The following OPCML variants were observed in gnomAD, a reference collection of about 807,000 sequenced individuals.
OPCML encodes opioid binding protein/cell adhesion molecule like.
Under a neutral mutation model 37.8 loss-of-function variants are expected in OPCML, and 13 were observed. The observed-to-expected ratio is 0.34, with a 90% CI of 0.22 to 0.55. The LOEUF is 0.55. OPCML is among the 20% of genes least tolerant of loss of function. The pLI is 0.91. For synonymous variants in OPCML, 176 were observed against 168.8 expected (o/e 1.04, Z -0.33); for missense variants, 341 against 435.6 (o/e 0.78, Z 1.93).
At chr11:133,313,563 T>A (rs1336437194) in intron 1 of OPCML, among the ~76,000 whole-genome samples, 1 of 152,202 alleles carries the variant, frequency 6.6e-6, no homozygotes, top group African/African-American at 2.4e-5. Context: ...CTTAAGAGCA[T>A]CCTGGAACAT....
At chr11:133,383,318 C>T (rs74502663) in intron 1 of OPCML, among the ~76,000 whole-genome samples, 2,611 of 152,218 alleles carry the variant, frequency 0.017, 66 homozygotes, top group African/African-American at 0.06. Context: ...CTGGAACTGC[C>T]GTATGGTGCT....
intron 1 of OPCML, among the ~76,000 whole-genome samples, chr11:133,241,146 A>G (rs76038030): frequency 0.018 from 2,698 of 152,234 alleles, 79 homozygotes; most frequent in African/African-American, 0.061. Context: ...CCACCTCCCT[A>G]GGGAAGCCCT....
chr11:132,660,078 G>A lies in OPCML; in HGVS notation c.147-2759C>T, dbSNP rs374416262. Among the ~76,000 whole-genome samples, 57 of 152,160 alleles carry A rather than the reference G, an allele frequency of 3.7e-4. 2 individuals are homozygous for A. Among genetic ancestry groups the A allele is most frequent in the African/African-American group, 1.1e-3 (47 of 41,506 alleles). ...AGAACATAAATATAGAGCACATTTC[G>A]TTAAGCAATAATTAAACATGAAAAA... On this transcript the variant is annotated intron_variant, in intron 2 of 7. Transcript: ENST00000524381.
intron 2 of OPCML, among the ~76,000 whole-genome samples, chr11:132,919,546 T>C (rs1293950908): frequency 6.6e-6 from 1 of 152,166 alleles, no homozygotes; most frequent in Non-Finnish European, 1.5e-5. Flanking sequence ...CAGTGTTGGG[T>C]GCCAGGGCGA....
intron 1 of OPCML, among the ~76,000 whole-genome samples, chr11:132,955,384 A>G (rs188964018): frequency 6.6e-6 from 1 of 152,200 alleles, no homozygotes; most frequent in Non-Finnish European, 1.5e-5. Context: ...GATGCAGACC[A>G]ACCAACCAAT....
chr11:132,913,062 A>C (rs1462010587), intron 2 of OPCML, among the ~76,000 whole-genome samples: 2 of 152,324 alleles, frequency 1.3e-5, no homozygotes, highest in Non-Finnish European at 1.5e-5. Flanking sequence ...AACCTGGCAA[A>C]TATTCTACAT....
At chr11:132,435,172 T>G (rs927048303) in intron 7 of OPCML, 26 of 1,289,452 alleles carry the variant, frequency 2.0e-5, no homozygotes, top group Admixed American at 1.8e-4. Flanking sequence ...CCACTGCTGA[T>G]GAGGGGCTTA....
At chr11:133,477,026 A>G (rs553883935) in intron 1 of OPCML, among the ~76,000 whole-genome samples, 1 of 152,300 alleles carries the variant, frequency 6.6e-6, no homozygotes, top group African/African-American at 2.4e-5. Context: ...CCCTTGGGAA[A>G]TGCACAGCTT....
At chr11:133,314,901 C>G (rs1315270113) in intron 1 of OPCML, among the ~76,000 whole-genome samples, 1 of 152,226 alleles carries the variant, frequency 6.6e-6, no homozygotes, top group Non-Finnish European at 1.5e-5. Context: ...TCTTGGCAAT[C>G]AGCGTAACAG....
intron 2 of OPCML, among the ~76,000 whole-genome samples, chr11:132,844,390 G>A (rs1213596196): frequency 6.6e-6 from 1 of 152,196 alleles, no homozygotes; most frequent in African/African-American, 2.4e-5. Context: ...ACAAGAGGAA[G>A]CAATAAGAGA....
chr11:132,976,930 C>T (rs1270433198), intron 1 of OPCML, among the ~76,000 whole-genome samples: 1 of 152,094 alleles, frequency 6.6e-6, no homozygotes, highest in Non-Finnish European at 1.5e-5. Context: ...CCATAGGGAG[C>T]TTTTTGAAAT....
intron 1 of OPCML, among the ~76,000 whole-genome samples, chr11:133,190,303 C>G (rs1466402474): frequency 6.6e-6 from 1 of 152,062 alleles, no homozygotes; most frequent in East Asian, 1.9e-4. Flanking sequence ...TTTTCCAGAG[C>G]CATTTTAAGG....
intron 3 of OPCML, among the ~76,000 whole-genome samples, chr11:132,652,248 T>C (rs1459326744): frequency 6.6e-6 from 1 of 152,156 alleles, no homozygotes; most frequent in Non-Finnish European, 1.5e-5. Flanking sequence ...ACATCATTTA[T>C]TGTAGCTTTG....
intron 1 of OPCML, among the ~76,000 whole-genome samples, chr11:133,407,001 A>G (rs1945541132): frequency 6.6e-6 from 1 of 152,200 alleles, no homozygotes; most frequent in African/African-American, 2.4e-5. Flanking sequence ...CAAACCTCCT[A>G]TTCAGTTTTG....
intron 1 of OPCML, among the ~76,000 whole-genome samples, chr11:133,509,667 A>C (rs7936394): frequency 6.6e-6 from 1 of 152,168 alleles, no homozygotes; most frequent in African/African-American, 2.4e-5. Flanking sequence ...GGGCAGAAAC[A>C]CTAAGTTCCA....
chr11:133,392,725 T>C (rs1945198853), intron 1 of OPCML, among the ~76,000 whole-genome samples: 1 of 152,250 alleles, frequency 6.6e-6, no homozygotes, highest in Non-Finnish European at 1.5e-5. Flanking sequence ...GGAAGTAAGA[T>C]GTATCATTCG....
intron 1 of OPCML, among the ~76,000 whole-genome samples, chr11:133,391,916 T>A (rs1945181842): frequency 6.6e-6 from 1 of 152,034 alleles, no homozygotes; most frequent in Non-Finnish European, 1.5e-5. Context: ...ATTCAGTAAT[T>A]TGCCCAAAGT....
At chr11:132,850,516 GGTGTGTGT>G (rs66934308) in intron 2 of OPCML, among the ~76,000 whole-genome samples, 44 of 148,094 alleles carry the variant, frequency 3.0e-4, no homozygotes, top group Middle Eastern at 7.1e-3. Flanking sequence ...CTGTGGAAAG[GGTGTGTGT>G]GTGTGTGTGT....
intron 1 of OPCML, among the ~76,000 whole-genome samples, chr11:133,196,396 A>T (rs1014000649): frequency 2.6e-5 from 4 of 152,194 alleles, no homozygotes; most frequent in African/African-American, 9.7e-5. Flanking sequence ...CCACCCAGCG[A>T]TCCTTTCAGA....
Sources: allele counts gnomAD v4.1 joint callset (sites outside exome capture counted in the v4.1 genomes callset), GRCh38; gene constraint gnomAD v4.1.1; transcripts MANE v1.5; gene names NCBI Gene and HGNC (gene_info 2026-07-23, HGNC 2026-07-21).